The following DAW1 variants were observed in gnomAD, a reference collection of about 807,000 sequenced individuals.
DAW1 encodes the protein dynein assembly factor with WD repeat domains 1.
Under a neutral mutation model 56.5 loss-of-function variants are expected in DAW1, and 47 were observed. That is an observed-to-expected ratio of 0.83 (90% CI 0.66 to 1.06). The LOEUF (loss-of-function observed/expected upper bound fraction) is 1.06, where lower values mean the gene tolerates loss of function less well. Ranked by LOEUF, DAW1 falls within the 50% of genes least tolerant of loss-of-function variation. DAW1 has a pLI of 0.00. For synonymous variants in DAW1, 190 were observed against 179.0 expected, an observed-to-expected ratio of 1.06 and a Z score of -0.49; for missense variants, 505 against 499.3, an observed-to-expected ratio of 1.01 and a Z score of -0.11.
intron 12 of DAW1, among the ~76,000 whole-genome samples, chr2:227,922,376 G>C: frequency 6.6e-6 from 1 of 152,288 alleles, no homozygotes; most frequent in East Asian, 1.9e-4. Flanking sequence ...CATTTCATAA[G>C]AAAAGGGTAG....
chr2:227,890,029 A>G, intron 3 of DAW1, 29 bp downstream of exon 3: 1 of 1,486,900 alleles, frequency 6.7e-7, no homozygotes, highest in Non-Finnish European at 8.9e-7. Flanking sequence ...ATCAGATAGA[A>G]GAATTTCAGT....
chr2:227,885,545 G>A, intron 2 of DAW1, 122 bp downstream of exon 2: 1 of 623,920 alleles, frequency 1.6e-6, no homozygotes, highest in South Asian at 4.2e-5. Context: ...GTTCTTCTGT[G>A]GTGTGTTAGT....
At chr2:227,917,148 C>G (rs1285868380) in intron 10 of DAW1, among the ~76,000 whole-genome samples, 6 of 133,774 alleles carry the variant, frequency 4.5e-5, no homozygotes, top group Non-Finnish European at 1.0e-4. Flanking sequence ...ATCTATCTGT[C>G]TGTCTGTCTG....
chr2:227,910,744 C>T (rs1042705981), intron 10 of DAW1, among the ~76,000 whole-genome samples: 2 of 152,038 alleles, frequency 1.3e-5, no homozygotes, highest in African/African-American at 4.8e-5. Context: ...ACACTATGTC[C>T]ATGCCATTTG....
At chr2:227,886,350 C>A (rs1691129969) in intron 2 of DAW1, among the ~76,000 whole-genome samples, 1 of 152,160 alleles carries the variant, frequency 6.6e-6, no homozygotes, top group African/African-American at 2.4e-5. Flanking sequence ...GGCGTGGTTG[C>A]TCACACTTGT....
At chr2:227,909,461 T>A (rs189222956) in intron 10 of DAW1, among the ~76,000 whole-genome samples, 1 of 150,038 alleles carries the variant, frequency 6.7e-6, no homozygotes, top group Admixed American at 6.7e-5. Flanking sequence ...CACACACACA[T>A]ATATATAGTA....
chr2:227,876,235 T>C (rs918603009), intron 1 of DAW1, among the ~76,000 whole-genome samples: 2 of 152,226 alleles, frequency 1.3e-5, no homozygotes, highest in Admixed American at 1.3e-4. Flanking sequence ...TTAGCCAGGA[T>C]GGTCTTGATC....
At chr2:227,872,609 C>T (rs1306137950) in intron 1 of DAW1, among the ~76,000 whole-genome samples, 1 of 152,160 alleles carries the variant, frequency 6.6e-6, no homozygotes, top group African/African-American at 2.4e-5. Context: ...CAGTAGAAGG[C>T]ATCATCACCC....
At chr2:227,900,763 G>A (rs1173610432) in intron 6 of DAW1, among the ~76,000 whole-genome samples, 1 of 152,172 alleles carries the variant, frequency 6.6e-6, no homozygotes, top group Non-Finnish European at 1.5e-5. Flanking sequence ...ATGTGGATTT[G>A]CAGCACACTG....
chr2:227,873,284 CAT>C (rs1437243894), intron 1 of DAW1, among the ~76,000 whole-genome samples: 1 of 152,212 alleles, frequency 6.6e-6, no homozygotes. Context: ...TATTTGTCAT[CAT>C]CCAAAACTCT....
intron 8 of DAW1, among the ~76,000 whole-genome samples, chr2:227,905,626 A>T (rs1691659367): frequency 6.6e-6 from 1 of 152,212 alleles, no homozygotes; most frequent in African/African-American, 2.4e-5. Flanking sequence ...GGGTGCACTC[A>T]CCCGGTGTAA....
intron 10 of DAW1, 117 bp downstream of exon 10, chr2:227,907,369 G>A (rs1407642280): frequency 2.6e-6 from 2 of 766,170 alleles, no homozygotes; most frequent in Admixed American, 2.7e-5. Context: ...AAAAAACCAT[G>A]TCTCATCTCT....
chr2:227,910,524 A>C (rs867935916), intron 10 of DAW1, among the ~76,000 whole-genome samples: 7 of 150,200 alleles, frequency 4.7e-5, no homozygotes, highest in South Asian at 2.1e-4. Flanking sequence ...ACACACACAC[A>C]CCCCTCATAT....
At chr2:227,894,838 T>C (rs7566347) in intron 5 of DAW1, among the ~76,000 whole-genome samples, 100,730 of 152,122 alleles carry the variant, frequency 0.66, 33,688 homozygotes, top group East Asian at 0.82. Context: ...ATCCTCCTCC[T>C]GCTGGTTAGG....
intron 2 of DAW1, chr2:227,887,614 A>G (rs748377955): frequency 2.0e-5 from 3 of 152,232 alleles, no homozygotes; most frequent in Middle Eastern, 3.2e-3. Flanking sequence ...TTTTATATCT[A>G]AGAAGTATGA....
chr2:227,885,513 A>G, intron 2 of DAW1, 90 bp downstream of exon 2: 1 of 947,832 alleles, frequency 1.1e-6, no homozygotes, highest in Non-Finnish European at 1.5e-6. Context: ...AACTGCAGAT[A>G]ATACATTATG....
chr2:227,896,347 T>A (rs181728589), intron 5 of DAW1, among the ~76,000 whole-genome samples: 40 of 152,334 alleles, frequency 2.6e-4, no homozygotes, highest in African/African-American at 9.4e-4. Flanking sequence ...ATAGTCTACT[T>A]AACAAACATG....
At chr2:227,903,158 G>C in intron 7 of DAW1, 49 bp downstream of exon 7, 1 of 1,584,664 alleles carries the variant, frequency 6.3e-7, no homozygotes, top group Non-Finnish European at 8.6e-7. Context: ...ATTCTTATTT[G>C]TGTTTTTGTT....
chr2:227,884,828 G>C (rs1350372568), intron 1 of DAW1, among the ~76,000 whole-genome samples: 4 of 152,218 alleles, frequency 2.6e-5, no homozygotes, highest in Non-Finnish European at 5.9e-5. Context: ...TGGCTGTGGA[G>C]TGGGGTCTGG....
Sources: gnomAD v4.1 joint callset for allele counts (sites outside exome capture counted in the v4.1 genomes callset) on GRCh38, gnomAD v4.1.1 for gene constraint, MANE v1.5 for transcripts, NCBI Gene and HGNC (gene_info 2026-07-23, HGNC 2026-07-21) for gene names.